Variants in LYPLAL1 observed in about 807,000 individuals in gnomAD.
The protein encoded by LYPLAL1 is lysophospholipase like 1, also known as lysophospholipase-like protein 1.
LYPLAL1 carries 23 observed loss-of-function variants against 19.7 expected under a neutral mutation model. The ratio of observed to expected loss-of-function variants is 1.17; its 90% confidence interval spans 0.84 to 1.65. The LOEUF (loss-of-function observed/expected upper bound fraction) is 1.65. LYPLAL1 is among the 40% of genes most tolerant of loss of function. The pLI, the probability that LYPLAL1 is intolerant of heterozygous loss-of-function variation, is 0.00. For synonymous variants in LYPLAL1, 119 were observed against 96.3 expected (o/e 1.24, Z -1.38); for missense variants, 355 against 279.4 (o/e 1.27, Z -1.93).
chr1:219,294,964 G>A, the LYPLAL1 span, among the ~76,000 whole-genome samples: 234 of 152,256 alleles, frequency 1.5e-3, no homozygotes, highest in Non-Finnish European at 2.6e-3. Flanking sequence ...AACCTTGGGT[G>A]AGGCAGCTTC....
At chr1:219,433,111 TG>T in the LYPLAL1 span, among the ~76,000 whole-genome samples, 1 of 152,180 alleles carries the variant, frequency 6.6e-6, no homozygotes, top group Non-Finnish European at 1.5e-5. Context: ...TGGATTAATG[TG>T]CTGAAGGACA....
the LYPLAL1 span, among the ~76,000 whole-genome samples, chr1:219,311,503 G>C: frequency 2.0e-5 from 3 of 149,162 alleles, no homozygotes; most frequent in Non-Finnish European, 4.4e-5. Context: ...TCATTTACAC[G>C]TTGGCTTGCC....
chr1:219,407,003 T>C, the LYPLAL1 span, among the ~76,000 whole-genome samples: 1 of 152,214 alleles, frequency 6.6e-6, no homozygotes, highest in African/African-American at 2.4e-5. Flanking sequence ...TTGACATCTC[T>C]GCAATTGTTT....
chr1:219,197,154 A>G (rs890166865), intron 3 of LYPLAL1, among the ~76,000 whole-genome samples: 1 of 152,214 alleles, frequency 6.6e-6, no homozygotes, highest in Non-Finnish European at 1.5e-5. Flanking sequence ...GAACCAAAAA[A>G]GAGCCCATAT....
At chr1:219,313,831 G>A in the LYPLAL1 span, among the ~76,000 whole-genome samples, 2 of 152,228 alleles carry the variant, frequency 1.3e-5, no homozygotes, top group Admixed American at 6.5e-5. Flanking sequence ...CACCCACCCG[G>A]CCTTTAAACT....
At chr1:219,241,048 C>CTA in the LYPLAL1 span, among the ~76,000 whole-genome samples, 1 of 138,218 alleles carries the variant, frequency 7.2e-6, no homozygotes, top group African/African-American at 2.7e-5. Context: ...CTCAAAATAT[C>CTA]TATATATATC....
the LYPLAL1 span, among the ~76,000 whole-genome samples, chr1:219,393,051 T>G: frequency 6.6e-6 from 1 of 152,334 alleles, no homozygotes; most frequent in African/African-American, 2.4e-5. Context: ...GTCATAAAAC[T>G]GTTGCTTCTG....
the LYPLAL1 span, among the ~76,000 whole-genome samples, chr1:219,387,521 T>C: frequency 1.3e-5 from 2 of 152,208 alleles, no homozygotes; most frequent in Non-Finnish European, 2.9e-5. Context: ...CCAGTTCCCC[T>C]TAAGATGAAA....
the LYPLAL1 span, among the ~76,000 whole-genome samples, chr1:219,254,642 C>A: frequency 0.96 from 146,382 of 152,100 alleles, 70,700 homozygotes; most frequent in East Asian, 1. Context: ...TCAGTTGAGC[C>A]GTCCACTGTT....
At chr1:219,384,378 C>T in the LYPLAL1 span, among the ~76,000 whole-genome samples, 2 of 152,214 alleles carry the variant, frequency 1.3e-5, no homozygotes, top group African/African-American at 4.8e-5. Flanking sequence ...AGCAAATGCT[C>T]TTCTCCATCA....
chr1:219,259,504 T>C, the LYPLAL1 span, among the ~76,000 whole-genome samples: 1 of 150,836 alleles, frequency 6.6e-6, no homozygotes, highest in Admixed American at 6.6e-5. Context: ...CTGGATGGGG[T>C]TGGAGACCAT....
At chr1:219,355,011 G>T in the LYPLAL1 span, among the ~76,000 whole-genome samples, 2 of 152,142 alleles carry the variant, frequency 1.3e-5, no homozygotes, top group East Asian at 1.9e-4. Context: ...ATTTTCTTAA[G>T]GTTCTTAATT....
intron 3 of LYPLAL1, among the ~76,000 whole-genome samples, chr1:219,201,683 C>T (rs535027738): frequency 6.6e-6 from 1 of 151,994 alleles, no homozygotes; most frequent in African/African-American, 2.4e-5. Context: ...CAGAAAGAGA[C>T]CACAAAAGTG....
chr1:219,251,007 G>A, the LYPLAL1 span, among the ~76,000 whole-genome samples: 1 of 152,056 alleles, frequency 6.6e-6, no homozygotes, highest in Non-Finnish European at 1.5e-5. Context: ...TCTGACTGGT[G>A]TGAGATAGTA....
chr1:219,389,584 A>G, the LYPLAL1 span, among the ~76,000 whole-genome samples: 6 of 152,172 alleles, frequency 3.9e-5, no homozygotes, highest in African/African-American at 1.4e-4. Flanking sequence ...CTATTTGCCA[A>G]AGTAATCGGC....
the LYPLAL1 span, among the ~76,000 whole-genome samples, chr1:219,246,901 A>G: frequency 1.3e-5 from 2 of 152,192 alleles, no homozygotes; most frequent in Non-Finnish European, 2.9e-5. Flanking sequence ...TACACTTTCT[A>G]TAAAATAAAG....
At chr1:219,404,604 A>G in the LYPLAL1 span, among the ~76,000 whole-genome samples, 3 of 152,196 alleles carry the variant, frequency 2.0e-5, no homozygotes, top group Non-Finnish European at 4.4e-5. Context: ...AAAACACACA[A>G]AAAAAGGGAC....
the LYPLAL1 span, among the ~76,000 whole-genome samples, chr1:219,416,586 A>T: frequency 6.6e-6 from 1 of 152,202 alleles, no homozygotes; most frequent in Non-Finnish European, 1.5e-5. Flanking sequence ...TACTCATGTG[A>T]ACCCACTTTT....
the LYPLAL1 span, among the ~76,000 whole-genome samples, chr1:219,287,553 G>A: frequency 6.6e-6 from 1 of 152,168 alleles, no homozygotes; most frequent in African/African-American, 2.4e-5. Flanking sequence ...ACACATCTAT[G>A]AGAATGGCCC....
Sources: allele counts gnomAD v4.1 joint callset (sites outside exome capture counted in the v4.1 genomes callset), GRCh38; gene constraint gnomAD v4.1.1; transcripts MANE v1.5; gene names NCBI Gene and HGNC (gene_info 2026-07-23, HGNC 2026-07-21).